SCYL2: variants seen among roughly 807,000 people sequenced by gnomAD.
The protein encoded by SCYL2 is SCY1 like pseudokinase 2.
In SCYL2, 36 loss-of-function variants were observed where a neutral mutation model predicts 100.4. The ratio of observed to expected loss-of-function variants is 0.36; its 90% CI spans 0.27 to 0.47. SCYL2 has a LOEUF of 0.47. SCYL2 is among the 20% of genes least tolerant of loss of function. The pLI is 1.00. For missense variants in SCYL2, 902 were observed against 1,083.9 expected (o/e 0.83, Z 2.36); for synonymous variants, 330 against 359.2 (o/e 0.92, Z 0.92).
At chr12:100,292,153 G>A (rs1281752605) in intron 3 of SCYL2, among the ~76,000 whole-genome samples, 2 of 152,220 alleles carry the variant, frequency 1.3e-5, no homozygotes, top group Non-Finnish European at 1.5e-5. Context: ...GGAAGTGTTA[G>A]TGAGAGTGAC....
intron 1 of SCYL2, among the ~76,000 whole-genome samples, chr12:100,278,650 A>C: frequency 1.0e-5 from 1 of 98,112 alleles, no homozygotes; most frequent in East Asian, 2.8e-4. Context: ...TTTTTTTTTG[A>C]GATGGAGTCT....
chr12:100,316,658 G>A (rs2096349083), intron 9 of SCYL2, among the ~76,000 whole-genome samples: 1 of 152,212 alleles, frequency 6.6e-6, no homozygotes, highest in Non-Finnish European at 1.5e-5. Flanking sequence ...CTGTGAAGCA[G>A]GGTTCCCCCA....
At chr12:100,327,460 T>C (rs1411915130) in intron 12 of SCYL2, among the ~76,000 whole-genome samples, 1 of 152,096 alleles carries the variant, frequency 6.6e-6, no homozygotes, top group African/African-American at 2.4e-5. Context: ...GGCATAGCTA[T>C]AGAGTCACAA....
intron 9 of SCYL2, among the ~76,000 whole-genome samples, chr12:100,316,622 G>A (rs1012530488): frequency 6.6e-6 from 1 of 152,156 alleles, no homozygotes; most frequent in Non-Finnish European, 1.5e-5. Flanking sequence ...GTGAATTAGG[G>A]AAAGAACAAG....
At chr12:100,288,505 A>G (rs1343814392) in intron 2 of SCYL2, among the ~76,000 whole-genome samples, 2 of 152,078 alleles carry the variant, frequency 1.3e-5, no homozygotes, top group Non-Finnish European at 2.9e-5. Flanking sequence ...GTGAAACTGC[A>G]AGAGCTATTT....
chr12:100,300,961 G>A (rs146454530), intron 4 of SCYL2, among the ~76,000 whole-genome samples: 225 of 152,316 alleles, frequency 1.5e-3, no homozygotes, highest in African/African-American at 5.0e-3. Context: ...AAACATGGGA[G>A]TGCAGATATC....
chr12:100,315,289 CAT>C lies in SCYL2; in HGVS notation c.1096-267_1096-266del, dbSNP rs1206902347. On this transcript the variant is annotated intron_variant, in intron 8 of 17. Transcript: ENST00000360820. Reference sequence around the variant, plus strand: ...TGAAGGAATCAAGAGGAAAAACAAACATAGCGGTGGAGACTAATTAGGGTAAG... The same window carrying C: ...TGAAGGAATCAAGAGGAAAAACAAACAGCGGTGGAGACTAATTAGGGTAAG... 3.3e-5 allele frequency among the ~76,000 whole-genome samples: 5 copies of C among 152,212 alleles called. No individual in the cohort carries two copies. The East Asian group carries it at 9.7e-4, about 29-fold the overall frequency.
intron 1 of SCYL2, among the ~76,000 whole-genome samples, chr12:100,274,606 A>T (rs2096290814): frequency 6.6e-6 from 1 of 152,218 alleles, no homozygotes; most frequent in South Asian, 2.1e-4. Flanking sequence ...TTAAATCTAC[A>T]GATTGCATCC....
intron 4 of SCYL2, among the ~76,000 whole-genome samples, chr12:100,301,023 G>C (rs912235155): frequency 1.3e-5 from 2 of 152,198 alleles, no homozygotes; most frequent in African/African-American, 2.4e-5. Flanking sequence ...CTAGGAGTGG[G>C]ATTGCTGGAT....
At chr12:100,317,390 A>G (rs955173624) in intron 9 of SCYL2, among the ~76,000 whole-genome samples, 8 of 152,198 alleles carry the variant, frequency 5.3e-5, no homozygotes, top group Non-Finnish European at 1.2e-4. Flanking sequence ...CCTGGCGTCT[A>G]GAATTTTTTC....
In SCYL2 at chr12:100,323,556, C is replaced by T. The variant is rs374285185; in HGVS notation, c.1427C>T (p.Ala476Val). The part of the protein sequence containing the change: ...ELCLNIIPTF[A>V]NLIDYPSMKN... ...TGTCTAAACATCATTCCAACCTTTG[C>T]AAATCTTATAGACTACCCATCCATG... is the stretch of plus-strand genomic sequence containing the variant. The change falls in exon 11 of 18, where the codon GCA becomes GTA. Residue 476 changes from alanine (A) to valine (V), a missense_variant. By Grantham distance (64) the Ala-to-Val change is moderately conservative. Transcript: ENST00000360820. 8 of 1,601,008 alleles carry T rather than the reference C, an allele frequency of 5.0e-6. No homozygotes were observed. The African/African-American group carries it at 8.1e-5, about 16-fold the overall frequency.
intron 2 of SCYL2, among the ~76,000 whole-genome samples, chr12:100,283,451 A>C (rs2096301088): frequency 6.6e-6 from 1 of 152,202 alleles, no homozygotes; most frequent in African/African-American, 2.4e-5. Context: ...TTAGTGAAGC[A>C]TATGTTTTAG....
chr12:100,291,826 G>T, intron 3 of SCYL2, 166 bp downstream of exon 3: 1 of 595,738 alleles, frequency 1.7e-6, no homozygotes. Context: ...CATTGTCTAC[G>T]TATATGTCTC....
intron 3 of SCYL2, among the ~76,000 whole-genome samples, chr12:100,294,089 T>C (rs2096313953): frequency 4.0e-5 from 6 of 148,390 alleles, no homozygotes; most frequent in Non-Finnish European, 1.5e-5. Flanking sequence ...GGCTCCTCAC[T>C]TCCCAGTAGG....
In SCYL2 at chr12:100,317,787, T is replaced by G; in HGVS notation, c.1273-16T>G. The G allele has an allele frequency of 6.3e-7, 1 of 1,583,652 alleles. No homozygotes were observed. The highest frequency in any genetic ancestry group is 2.0e-5 in the Admixed American group (1 of 50,354). On this transcript the variant is annotated splice_polypyrimidine_tract_variant and intron_variant, in intron 9 of 17. Coordinates refer to ENST00000360820, the MANE Select transcript of SCYL2 (RefSeq NM_017988.6). ...AGATTCCAGGTTTTAATACATTGTT[T>G]CCGTTTTCTAAACAGATTTTGTTAA...
chr12:100,315,918 A>G (rs1421525978), intron 9 of SCYL2, among the ~76,000 whole-genome samples, 184 bp downstream of exon 9: 1 of 152,194 alleles, frequency 6.6e-6, no homozygotes, highest in Non-Finnish European at 1.5e-5. Context: ...TTATGATTGA[A>G]CTTTGCAGTT....
At position 100,281,019 on chromosome 12, in the gene SCYL2, G is replaced by GTTTTGTTTTTTTTTTT. The variant is rs2096297553; in HGVS notation, c.-28-1920_-28-1919insGTTTTTTTTTTTTTTT. Among the ~76,000 whole-genome samples the GTTTTGTTTTTTTTTTT allele has an allele frequency of 6.9e-4, 35 of 50,492 alleles. 2 individuals are homozygous for GTTTTGTTTTTTTTTTT. The highest frequency in any genetic ancestry group is 2.3e-3 in the African/African-American group (34 of 14,522). 33.1% of individuals were successfully genotyped at this position (50,492 alleles called of 152,430 possible). On this transcript the variant is annotated intron_variant, in intron 1 of 17. Coordinates refer to ENST00000360820, the MANE Select transcript of SCYL2 (RefSeq NM_017988.6). ...ATTTTATTGTCCCTTTACCATCAGTGTTTTTTTTTTTTTTTTTTTTTTTTT... is the reference window on the plus strand; with the variant it reads ...ATTTTATTGTCCCTTTACCATCAGTGTTTTGTTTTTTTTTTTTTTTTTTTTTTTTTTTTTTTTTTTT...
chr12:100,309,602 C>T (rs1185577655), intron 4 of SCYL2, among the ~76,000 whole-genome samples: 1 of 152,210 alleles, frequency 6.6e-6, no homozygotes. Flanking sequence ...TATGTATATG[C>T]ATAGCAATTC....
At chr12:100,269,325 T>C (rs2096284604) in intron 1 of SCYL2, among the ~76,000 whole-genome samples, 1 of 151,874 alleles carries the variant, frequency 6.6e-6, no homozygotes, top group Admixed American at 6.6e-5. Flanking sequence ...TGCCCTTCCT[T>C]TCTTTTTTTA....
Sources: allele counts gnomAD v4.1 joint callset (sites outside exome capture counted in the v4.1 genomes callset), GRCh38; gene constraint gnomAD v4.1.1; transcripts MANE v1.5; gene names NCBI Gene and HGNC (gene_info 2026-07-23, HGNC 2026-07-21).